Variants in CDH9 observed in about 807,000 individuals in gnomAD.
CDH9 encodes cadherin-9.
In CDH9, 28 loss-of-function variants were observed where a neutral mutation model predicts 70.9. That is an observed-to-expected ratio of 0.40 (90% CI 0.29 to 0.54). The LOEUF is 0.54. Among genes scored for constraint, CDH9 ranks in the 20% least tolerant of loss-of-function variants. The pLI, the probability that CDH9 is intolerant of heterozygous loss-of-function variation, is 0.59. For missense variants in CDH9, 874 were observed against 984.4 expected, an observed-to-expected ratio of 0.89 and a Z score of 1.50; for synonymous variants, 409 against 343.1, an observed-to-expected ratio of 1.19 and a Z score of -2.12.
intron 2 of CDH9, among the ~76,000 whole-genome samples, chr5:26,955,420 C>A (rs1741929460): frequency 6.6e-6 from 1 of 152,176 alleles, no homozygotes. Context: ...ACATTCCTTT[C>A]CTCAGGGCTC....
chr5:26,955,190 A>G (rs1741925725), intron 2 of CDH9, among the ~76,000 whole-genome samples: 1 of 152,152 alleles, frequency 6.6e-6, no homozygotes, highest in Non-Finnish European at 1.5e-5. Context: ...ACTATCTGAA[A>G]TGTTTTATCT....
chr5:26,984,915 C>G (rs900389923), intron 2 of CDH9, among the ~76,000 whole-genome samples: 3 of 152,082 alleles, frequency 2.0e-5, no homozygotes, highest in African/African-American at 7.2e-5. Context: ...GACTTCTCTC[C>G]TATATTGCAA....
intron 1 of CDH9, among the ~76,000 whole-genome samples, chr5:26,989,462 A>G (rs1203618512): frequency 6.6e-6 from 1 of 151,880 alleles, no homozygotes; most frequent in Non-Finnish European, 1.5e-5. Context: ...CTTATCATGA[A>G]AACTAGAATT....
At chr5:26,940,827 C>A (rs73073543) in intron 2 of CDH9, among the ~76,000 whole-genome samples, 63 of 152,178 alleles carry the variant, frequency 4.1e-4, no homozygotes, top group African/African-American at 1.5e-3. Flanking sequence ...CTGTAGGAAA[C>A]TAATTTGTAT....
chr5:26,912,818 C>G (rs1223371443), intron 3 of CDH9, among the ~76,000 whole-genome samples: 1 of 152,078 alleles, frequency 6.6e-6, no homozygotes. Context: ...TTGTGACTCC[C>G]ACAATTCCCA....
At chr5:27,011,331 C>T (rs189847091) in intron 1 of CDH9, among the ~76,000 whole-genome samples, 1 of 152,162 alleles carries the variant, frequency 6.6e-6, no homozygotes. Context: ...CGAAGTCTTT[C>T]TGAATTAGAA....
At chr5:26,956,550 C>A (rs751971544) in intron 2 of CDH9, among the ~76,000 whole-genome samples, 1 of 152,130 alleles carries the variant, frequency 6.6e-6, no homozygotes, top group Admixed American at 6.6e-5. Context: ...AAGATTTCAT[C>A]TTCAACATAT....
Position 26,881,335 on chromosome 5 carries a change from T to A in CDH9, c.2171A>T (p.Asp724Val). ...ATATGGAGGTGCACTTGGGTCTGCG[T>A]CGTTTTCTTTTAATCTTCGATGGAT... Reference protein sequence around the residue: ...DFIHRRLKENDADPSAPPYDS... With the variant: ...DFIHRRLKENVADPSAPPYDS... Residue 724 changes from aspartate to valine, a missense_variant, in exon 12 of 12, where the codon GAC (aspartate) becomes GTC (valine). Asp to Val is a radical substitution (Grantham distance 152). Coordinates refer to ENST00000231021, the MANE Select transcript of CDH9 (RefSeq NM_016279.4). 6.2e-7 allele frequency: 1 copy of A among 1,613,402 alleles called. No individual in the cohort carries two copies. Among genetic ancestry groups the A allele is most frequent in the South Asian group, 1.1e-5 (1 of 91,068 alleles).
chr5:27,011,166 C>A (rs1742948933), intron 1 of CDH9, among the ~76,000 whole-genome samples: 2 of 152,000 alleles, frequency 1.3e-5, no homozygotes, highest in Admixed American at 1.3e-4. Context: ...AATATTTGGT[C>A]AACAGTTCTG....
At chr5:26,937,373 C>G (rs10473821) in intron 2 of CDH9, among the ~76,000 whole-genome samples, 1 of 151,970 alleles carries the variant, frequency 6.6e-6, no homozygotes, top group Non-Finnish European at 1.5e-5. Flanking sequence ...ACATTAAATG[C>G]CAGTAAGGAT....
intron 2 of CDH9, among the ~76,000 whole-genome samples, chr5:26,916,356 T>C (rs544671501): frequency 2.2e-4 from 34 of 152,038 alleles, no homozygotes; most frequent in African/African-American, 7.9e-4. Flanking sequence ...AAGTTCAGAA[T>C]AGCTACCTTA....
At chr5:26,952,138 AT>A (rs2112048343) in intron 2 of CDH9, among the ~76,000 whole-genome samples, 1 of 150,438 alleles carries the variant, frequency 6.6e-6, no homozygotes. Context: ...TAATTTTTGT[AT>A]TTTTAGTAGA....
At chr5:27,002,573 T>C (rs1326169466) in intron 1 of CDH9, among the ~76,000 whole-genome samples, 1 of 152,132 alleles carries the variant, frequency 6.6e-6, no homozygotes, top group African/African-American at 2.4e-5. Flanking sequence ...ATATACACCA[T>C]GGAATACTAT....
chr5:26,998,971 G>A (rs1404223939), intron 1 of CDH9, among the ~76,000 whole-genome samples: 1 of 152,114 alleles, frequency 6.6e-6, no homozygotes, highest in Admixed American at 6.5e-5. Flanking sequence ...ATGAGGCCGG[G>A]CGTGGTGGCT....
intron 11 of CDH9, among the ~76,000 whole-genome samples, chr5:26,883,466 A>T (rs1162452756): frequency 1.3e-5 from 2 of 151,938 alleles, no homozygotes; most frequent in Non-Finnish European, 2.9e-5. Context: ...ATAAGAAATG[A>T]AAAAAAGTAC....
At chr5:26,892,328 G>T (rs1011376782) in intron 7 of CDH9, among the ~76,000 whole-genome samples, 4 of 152,086 alleles carry the variant, frequency 2.6e-5, no homozygotes, top group Non-Finnish European at 5.9e-5. Flanking sequence ...TACGAATCCT[G>T]TTAAAAACAG....
intron 2 of CDH9, among the ~76,000 whole-genome samples, chr5:26,929,643 T>G (rs1741405490): frequency 6.6e-6 from 1 of 152,046 alleles, no homozygotes; most frequent in Non-Finnish European, 1.5e-5. Context: ...ATGTACACAA[T>G]GGAGTACTAC....
At chr5:26,897,994 T>C (rs1446988395) in intron 7 of CDH9, among the ~76,000 whole-genome samples, 2 of 152,116 alleles carry the variant, frequency 1.3e-5, no homozygotes, top group African/African-American at 2.4e-5. Context: ...ATAAAATCAA[T>C]GTGCAAAAAT....
At chr5:27,016,643 C>T (rs1743051106) in intron 1 of CDH9, among the ~76,000 whole-genome samples, 1 of 151,678 alleles carries the variant, frequency 6.6e-6, no homozygotes, top group Non-Finnish European at 1.5e-5. Flanking sequence ...AGCTTTAAAT[C>T]TAAAAGTAAT....
Sources: allele counts gnomAD v4.1 joint callset (sites outside exome capture counted in the v4.1 genomes callset), GRCh38; gene constraint gnomAD v4.1.1; transcripts MANE v1.5; gene names NCBI Gene and HGNC (gene_info 2026-07-23, HGNC 2026-07-21).